The following CHL1 variants were observed in gnomAD, a reference collection of about 807,000 sequenced individuals.
CHL1 encodes the protein neural cell adhesion molecule L1-like protein.
A neutral mutation model predicts 141.9 loss-of-function variants in CHL1; 96 were observed. That is an observed-to-expected ratio of 0.68 (90% CI 0.57 to 0.80). The LOEUF (loss-of-function observed/expected upper bound fraction) is 0.80. Among genes scored for constraint, CHL1 ranks in the 30% least tolerant of loss-of-function variants. The pLI is 0.00. For synonymous variants in CHL1, 613 were observed against 502.2 expected, an observed-to-expected ratio of 1.22 and a Z score of -2.95; for missense variants, 1,820 against 1,457.2, an observed-to-expected ratio of 1.25 and a Z score of -4.05.
intron 2 of CHL1, chr3:282,831 T>A (rs906358206): frequency 3.9e-5 from 6 of 152,258 alleles, no homozygotes; most frequent in Non-Finnish European, 7.3e-5. Context: ...TGAGGAAGAC[T>A]TGGGGGAACT....
Position 330,229 on chromosome 3 carries a change from A to G in CHL1, c.385+1875A>G, listed in dbSNP as rs111405269. On this transcript the variant is annotated intron_variant, in intron 5 of 27. Coordinates refer to ENST00000256509, the MANE Select transcript of CHL1 (RefSeq NM_006614.4). ...TTTGAAAACTAAGAAATACATTTCT[A>G]AGTGAGTCTTAGGTCAAGTACCAAA... 3.3e-3 allele frequency among the ~76,000 whole-genome samples: 506 copies of G among 152,266 alleles called. 3 individuals carry two copies. The highest frequency in any genetic ancestry group is 0.012 in the African/African-American group (483 of 41,578).
At chr3:288,884 T>G (rs1035051436) in intron 2 of CHL1, among the ~76,000 whole-genome samples, 3 of 152,270 alleles carry the variant, frequency 2.0e-5, no homozygotes, top group African/African-American at 7.2e-5. Flanking sequence ...TTTACAACTT[T>G]TATCTATTTA....
chr3:327,143 A>G (rs1240874115), intron 4 of CHL1, among the ~76,000 whole-genome samples: 1 of 152,004 alleles, frequency 6.6e-6, no homozygotes, highest in Non-Finnish European at 1.5e-5. Context: ...AAAATAAGTC[A>G]GGAGGGTGGC....
intron 14 of CHL1, 189 bp downstream of exon 14, chr3:363,572 G>C (rs957414181): frequency 1.9e-6 from 1 of 521,492 alleles, no homozygotes; most frequent in Non-Finnish European, 3.4e-6. Context: ...CCCATGATAT[G>C]TGCACAGCTT....
intron 11 of CHL1, 40 bp downstream of exon 11, chr3:354,811 C>G (rs1306181425): frequency 1.2e-6 from 2 of 1,608,494 alleles, no homozygotes; most frequent in South Asian, 1.1e-5. Context: ...GCTGAAGGCC[C>G]TGGTTTGACG....
In CHL1 at chr3:409,196, C is replaced by T. The variant is rs907546870; in HGVS notation, c.*3485C>T. 1.1e-4 allele frequency: 17 copies of T among 151,868 alleles called. No individual in the cohort carries two copies. The highest frequency in any genetic ancestry group is 3.6e-4 in the African/African-American group (15 of 41,384). 9.4% of individuals were successfully genotyped at this position (151,868 alleles called of 1,614,324 possible). A position where few individuals can be genotyped will look rare whatever the true frequency, so the allele number is the denominator to read the frequency against. On this transcript the variant is annotated 3_prime_UTR_variant, in exon 28 of 28. Coordinates refer to ENST00000256509, the MANE Select transcript of CHL1 (RefSeq NM_006614.4). ...TCTTTGTTTTGTACCTTAAATTGTT[C>T]GATTACGTCATCAAAAGAGATGAAA...
intron 2 of CHL1, among the ~76,000 whole-genome samples, chr3:317,949 A>C (rs2125025378): frequency 6.6e-6 from 1 of 152,038 alleles, no homozygotes; most frequent in South Asian, 2.1e-4. Context: ...TTACAAGTAT[A>C]AGTTATTTGT....
At chr3:227,519 G>A (rs1701460843) in intron 1 of CHL1, among the ~76,000 whole-genome samples, 1 of 152,198 alleles carries the variant, frequency 6.6e-6, no homozygotes, top group Admixed American at 6.5e-5. Context: ...TAGGTGATAT[G>A]CATGTGGAGA....
chr3:352,346 T>A (rs1703342087), intron 10 of CHL1, among the ~76,000 whole-genome samples: 1 of 152,304 alleles, frequency 6.6e-6, no homozygotes, highest in South Asian at 2.1e-4. Flanking sequence ...GTTCTATAGG[T>A]ACCAAGTTTG....
At chr3:227,790 C>A (rs1422967188) in intron 1 of CHL1, among the ~76,000 whole-genome samples, 1 of 152,220 alleles carries the variant, frequency 6.6e-6, no homozygotes. Context: ...GAGATACCTG[C>A]ACTCATTGCT....
Position 399,124 on chromosome 3 carries a change from A to G in CHL1, c.3361A>G (p.Arg1121Gly). ...ATTATTAACTGTTTGCTTTGTGAAG[A>G]GGAATAGAGGTGGAAAGTACTCAGG... Reference protein sequence around the residue: ...LLLLTVCFVKRNRGGKYSVKE... With the variant: ...LLLLTVCFVKGNRGGKYSVKE... The change falls in exon 26 of 28, where the codon AGG becomes GGG. Residue 1121 changes from arginine (R) to glycine (G), a missense_variant. Transcript: ENST00000256509. 1.9e-6 allele frequency: 3 copies of G among 1,610,814 alleles called. No individual in the cohort carries two copies. The highest frequency in any genetic ancestry group is 2.5e-6 in the Non-Finnish European group (3 of 1,177,020).
rs943088524 is a variant in CHL1 at position 342,000 on chromosome 3, C to T, written c.597C>T (p.Arg199=). The T allele has an allele frequency of 6.2e-7, 1 of 1,613,468 alleles. No homozygotes were observed. Among genetic ancestry groups the T allele is most frequent in the Admixed American group, 1.7e-5 (1 of 59,974 alleles). The part of the protein sequence containing the change: ...YFANVEEKDS[R]NDYCCFAAFP... The stretch of plus-strand genomic sequence containing the variant: ...CAAACGTGGAAGAAAAGGACAGTCG[C>T]AATGACTACTGTTGCTTTGCTGCAT... The change falls in exon 7 of 28, where the codon CGC becomes CGT. Residue 199 remains arginine (R), a synonymous_variant. Coordinates refer to ENST00000256509, the MANE Select transcript of CHL1 (RefSeq NM_006614.4).
At chr3:263,175 G>A (rs765589320) in intron 2 of CHL1, among the ~76,000 whole-genome samples, 17 of 152,110 alleles carry the variant, frequency 1.1e-4, no homozygotes, top group East Asian at 5.8e-4. Flanking sequence ...AGGCAAGGCC[G>A]ACTCATTGAC....
rs556497463 is a variant in CHL1, at chr3:289,194, C to T, written c.-94-30489C>T. On this transcript the variant is annotated intron_variant, in intron 2 of 27. Transcript: ENST00000256509. The stretch of plus-strand genomic sequence containing the variant: ...ATTTAAAAGGGAGTCATGAAACAAA[C>T]ATCTATATAATATTTTGGGGATTAA... Among the ~76,000 whole-genome samples, 9 of 152,240 alleles carry T rather than the reference C, an allele frequency of 5.9e-5. No homozygotes were observed. In the East Asian group the frequency reaches 1.7e-3, roughly 29 times the overall value.
intron 2 of CHL1, among the ~76,000 whole-genome samples, chr3:258,971 T>C (rs1368602465): frequency 2.7e-5 from 4 of 150,796 alleles, no homozygotes; most frequent in Admixed American, 2.0e-4. Context: ...TCTCCCTTTG[T>C]CACCCAGGCT....
At chr3:352,285 T>A (rs1460755276) in intron 10 of CHL1, among the ~76,000 whole-genome samples, 1 of 152,188 alleles carries the variant, frequency 6.6e-6, no homozygotes, top group Non-Finnish European at 1.5e-5. Context: ...ATATAGATTT[T>A]AATAAGAACC....
intron 1 of CHL1, among the ~76,000 whole-genome samples, chr3:201,339 T>C (rs2125324473): frequency 6.6e-6 from 1 of 152,362 alleles, no homozygotes; most frequent in East Asian, 1.9e-4. Context: ...CTGCTTACCT[T>C]CTCATTGTGT....
chr3:223,644 G>T (rs1701064398), intron 1 of CHL1, among the ~76,000 whole-genome samples: 1 of 152,130 alleles, frequency 6.6e-6, no homozygotes, highest in South Asian at 2.1e-4. Flanking sequence ...GCATGGATAG[G>T]GCAAATTCAC....
intron 2 of CHL1, among the ~76,000 whole-genome samples, chr3:274,732 T>A (rs1695939048): frequency 6.6e-6 from 1 of 152,226 alleles, no homozygotes; most frequent in Admixed American, 6.5e-5. Flanking sequence ...GTTGGATAAC[T>A]TTTTTCCACA....
Sources: gnomAD v4.1 joint callset for allele counts (sites outside exome capture counted in the v4.1 genomes callset) on GRCh38, gnomAD v4.1.1 for gene constraint, MANE v1.5 for transcripts, NCBI Gene and HGNC (gene_info 2026-07-23, HGNC 2026-07-21) for gene names.